FAM184A: variants seen among roughly 807,000 people sequenced by gnomAD.
The protein encoded by FAM184A is protein FAM184A.
A neutral mutation model predicts 143.8 loss-of-function variants in FAM184A; 99 were observed. That is an observed-to-expected ratio of 0.69 (90% confidence interval 0.58 to 0.81). FAM184A has a LOEUF of 0.81. Among genes scored for constraint, FAM184A ranks in the 40% least tolerant of loss-of-function variants. The probability of loss-of-function intolerance (pLI) is 0.00; values close to 1 mark genes in which losing one functional copy is unlikely to be tolerated. For synonymous variants in FAM184A, 427 were observed against 446.4 expected, an observed-to-expected ratio of 0.96 and a Z score of 0.55; for missense variants, 1,217 against 1,310.5, an observed-to-expected ratio of 0.93 and a Z score of 1.10.
At chr6:119,025,579 T>A (rs753442244) in intron 1 of FAM184A, 28 of 518,898 alleles carry the variant, frequency 5.4e-5, no homozygotes, top group Non-Finnish European at 9.6e-5. Flanking sequence ...TTCACTGAGA[T>A]GTCCCAACCT....
chr6:119,081,460 T>C (rs1249950442), upstream of FAM184A, among the ~76,000 whole-genome samples: 1 of 152,194 alleles, frequency 6.6e-6, no homozygotes, highest in African/African-American at 2.4e-5. Flanking sequence ...TGAATGTTTA[T>C]AGCCGAAGCC....
chr6:119,039,181 G>A (rs1004483412), intron 1 of FAM184A, among the ~76,000 whole-genome samples: 1 of 152,204 alleles, frequency 6.6e-6, no homozygotes, highest in Non-Finnish European at 1.5e-5. Context: ...GGAGCAGCAA[G>A]AACTCTCATT....
intron 1 of FAM184A, among the ~76,000 whole-genome samples, chr6:119,071,209 AG>A (rs1178438348): frequency 4.6e-5 from 7 of 152,226 alleles, no homozygotes; most frequent in African/African-American, 1.4e-4. Flanking sequence ...AGGCTAGCAA[AG>A]GATTTTCATA....
intron 1 of FAM184A, among the ~76,000 whole-genome samples, chr6:119,127,476 TGAGAG>T (rs1174872316): frequency 1.5e-4 from 23 of 152,290 alleles, no homozygotes; most frequent in African/African-American, 5.5e-4. Flanking sequence ...ATGCAAATTG[TGAGAG>T]GACATATCCT....
At position 119,006,550 on chromosome 6, in the gene FAM184A, C is replaced by T; in HGVS notation, c.1712G>A (p.Gly571Glu). Residue 571 changes from glycine to glutamate, a missense_variant, in exon 7 of 18, where the codon GGA becomes GAA. By Grantham distance (98) the Gly-to-Glu change is moderately conservative (BLOSUM62 -2). Transcript: ENST00000338891. ...GGAGTCCTGAAGACTAGCAATAAGT[C>T]CTTCTGCAGAGCCAAGACCTTGTTC... ...KSEQGLGSAE[G>E]LIASLQDSQE... 2 of 1,613,994 alleles carry T rather than the reference C, an allele frequency of 1.2e-6. No homozygotes were observed. The highest frequency in any genetic ancestry group is 1.7e-6 in the Non-Finnish European group (2 of 1,179,958).
intron 1 of FAM184A, among the ~76,000 whole-genome samples, chr6:119,047,561 C>T (rs904178593): frequency 2.0e-5 from 3 of 152,106 alleles, no homozygotes; most frequent in Non-Finnish European, 4.4e-5. Context: ...ACTGATCCCA[C>T]AGAAATAAAA....
chr6:119,138,120 A>G (rs1364426775), intron 1 of FAM184A, among the ~76,000 whole-genome samples: 1 of 152,222 alleles, frequency 6.6e-6, no homozygotes, highest in African/African-American at 2.4e-5. Context: ...AGTGATACAT[A>G]CTATGAAGGA....
chr6:119,066,385 A>G (rs1358181443), intron 1 of FAM184A, among the ~76,000 whole-genome samples: 1 of 152,182 alleles, frequency 6.6e-6, no homozygotes, highest in Non-Finnish European at 1.5e-5. Context: ...ACAGTTGCCC[A>G]TCCAAATAGT....
intron 1 of FAM184A, among the ~76,000 whole-genome samples, chr6:119,058,937 A>G (rs1787113048): frequency 6.6e-6 from 1 of 151,368 alleles, no homozygotes; most frequent in South Asian, 2.1e-4. Flanking sequence ...ACCATAATAT[A>G]ATGGTTATTT....
chr6:119,026,527 G>A (rs919015332), intron 1 of FAM184A, among the ~76,000 whole-genome samples: 17 of 152,054 alleles, frequency 1.1e-4, no homozygotes, highest in African/African-American at 4.1e-4. Context: ...TTAGCCAAGT[G>A]GACCCCAAAG....
Position 119,024,404 on chromosome 6 carries a change from A to T in FAM184A, c.569T>A (p.Leu190Ter). The part of the protein sequence containing the change: ...EKDKRLALED[L>*]QAAHRREIQE... Reference sequence around the variant, plus strand: ...TATCTCCCGTCTGTGAGCAGCTTGCAAGTCTTCCAATGCCAATCGTTTGTC... The same window carrying T: ...TATCTCCCGTCTGTGAGCAGCTTGCTAGTCTTCCAATGCCAATCGTTTGTC... Residue 190 changes from leucine to a stop codon, truncating the protein, a stop_gained, in exon 2 of 18, where the codon TTG (leucine) becomes TAG (stop). Transcript: ENST00000338891. LOFTEE classifies it high-confidence loss of function. 1 of 1,614,186 alleles carries T rather than the reference A, an allele frequency of 6.2e-7. No homozygotes were observed. The highest frequency in any genetic ancestry group is 8.5e-7 in the Non-Finnish European group (1 of 1,180,040).
At chr6:119,098,860 G>A (rs750348809) in intron 1 of FAM184A, among the ~76,000 whole-genome samples, 16 of 152,270 alleles carry the variant, frequency 1.1e-4, no homozygotes, top group Admixed American at 5.9e-4. Flanking sequence ...TGGGCGTGGC[G>A]GCACTTTGGG....
At chr6:119,147,075 TTTTG>T (rs1190330758) in intron 1 of FAM184A, among the ~76,000 whole-genome samples, 2 of 119,220 alleles carry the variant, frequency 1.7e-5, no homozygotes, top group Admixed American at 9.1e-5. Context: ...TTTTTTTTTT[TTTTG>T]TTTTTTTGTC....
At chr6:119,101,927 G>A (rs1788647562) in intron 1 of FAM184A, among the ~76,000 whole-genome samples, 1 of 152,004 alleles carries the variant, frequency 6.6e-6, no homozygotes, top group Admixed American at 6.5e-5. Context: ...TTGGTGGCGT[G>A]TGCCTGTAAT....
At chr6:119,108,566 G>T (rs1788850322) in intron 1 of FAM184A, among the ~76,000 whole-genome samples, 1 of 152,090 alleles carries the variant, frequency 6.6e-6, no homozygotes, top group East Asian at 1.9e-4. Flanking sequence ...TTAAAAGACT[G>T]TCTACCTTTT....
Position 119,024,763 on chromosome 6 carries a change from T to C in FAM184A, c.210A>G (p.Gln70=). The C allele has an allele frequency of 6.2e-7, 1 of 1,612,584 alleles. No homozygotes were observed. The highest frequency in any genetic ancestry group is 8.5e-7 in the Non-Finnish European group (1 of 1,179,544). The change falls in exon 2 of 18, where the codon CAA becomes CAG. Residue 70 remains glutamine, a synonymous_variant. Coordinates refer to ENST00000338891, the MANE Select transcript of FAM184A (RefSeq NM_024581.6). ...TKNDEHESAI[Q]ALKDAHEEEI... ...CTTCTTCATGAGCATCTTTGAGGGC[T>C]TGAATTGCAGATTCATGCTCATCAT...
intron 1 of FAM184A, among the ~76,000 whole-genome samples, chr6:119,055,315 T>C (rs1786923269): frequency 6.6e-6 from 1 of 152,232 alleles, no homozygotes; most frequent in South Asian, 2.1e-4. Flanking sequence ...GTTGGGTTGT[T>C]TCCATTCTTA....
In FAM184A at chr6:119,027,560, C is replaced by T. The variant is rs77319402; in HGVS notation, c.160-2747G>A. On this transcript the variant is annotated intron_variant, in intron 1 of 17. Transcript: ENST00000338891. ...CCCCAAACATGGAAATAAAGGAAAA[C>T]CCCAAAGTTCCTTTAAGAAACATTC... Among the ~76,000 whole-genome samples the T allele has an allele frequency of 4.6e-3, 704 of 152,256 alleles. 36 individuals are homozygous for T. The East Asian group carries it at 0.12, about 26-fold the overall frequency.
At chr6:119,020,678 T>C (rs1785414546) in intron 3 of FAM184A, among the ~76,000 whole-genome samples, 1 of 152,188 alleles carries the variant, frequency 6.6e-6, no homozygotes, top group South Asian at 2.1e-4. Flanking sequence ...TTGAATTTGT[T>C]TCAGGCAAGA....
Sources: allele counts gnomAD v4.1 joint callset (sites outside exome capture counted in the v4.1 genomes callset), GRCh38; gene constraint gnomAD v4.1.1; transcripts MANE v1.5; gene names NCBI Gene and HGNC (gene_info 2026-07-23, HGNC 2026-07-21).